Variants in ABLIM1 observed in about 807,000 individuals in gnomAD.
The protein encoded by ABLIM1 is actin-binding LIM protein 1.
In ABLIM1, 40 loss-of-function variants were observed where a neutral mutation model predicts 107.0. The observed-to-expected ratio is 0.37, with a 90% CI of 0.29 to 0.49. The LOEUF (loss-of-function observed/expected upper bound fraction) is 0.49. Among genes scored for constraint, ABLIM1 ranks in the 20% least tolerant of loss-of-function variants. The probability of loss-of-function intolerance (pLI) is 0.97; values close to 1 mark genes in which losing one functional copy is unlikely to be tolerated. For missense variants in ABLIM1, 857 were observed against 1,008.5 expected (o/e 0.85, Z 2.04); for synonymous variants, 357 against 357.3 (o/e 1.00, Z 0.01).
At chr10:114,490,974 A>ATGTGTGTGTGTG (rs140256636) in intron 7 of ABLIM1, among the ~76,000 whole-genome samples, 171 of 99,076 alleles carry the variant, frequency 1.7e-3, no homozygotes, top group South Asian at 4.1e-3. Flanking sequence ...CGGCATATAT[A>ATGTGTGTGTGTG]TGTGTGTGTG....
At chr10:114,799,509 C>T in the ABLIM1 span, among the ~76,000 whole-genome samples, 2 of 152,154 alleles carry the variant, frequency 1.3e-5, no homozygotes, top group African/African-American at 4.8e-5. Flanking sequence ...CACTCCTTAC[C>T]AGTATTTTCC....
At position 114,431,676 on chromosome 10, in the gene ABLIM1, T is replaced by C. The variant is rs2058872670; in HGVS notation, c.*4584A>G. The C allele has an allele frequency of 1.3e-5, 2 of 152,214 alleles. No homozygotes were observed. Among genetic ancestry groups the C allele is most frequent in the Non-Finnish European group, 2.9e-5 (2 of 68,052 alleles). 9.4% of individuals were successfully genotyped at this position (152,214 alleles called of 1,614,324 possible). ...ATTGTCTCTGTCCACCTTTGGTCAA[T>C]GGGTTCAGGAAGTGACTCATGGGAA... On this transcript the variant is annotated 3_prime_UTR_variant, in exon 23 of 23. Transcript: ENST00000533213.
intron 3 of ABLIM1, among the ~76,000 whole-genome samples, chr10:114,574,121 C>G (rs752465948): frequency 1.3e-5 from 2 of 152,176 alleles, no homozygotes; most frequent in Admixed American, 1.3e-4. Flanking sequence ...ATCTTCCCTT[C>G]TAGAGCTTAC....
At chr10:114,438,964 T>G (rs2139054333) in intron 21 of ABLIM1, among the ~76,000 whole-genome samples, 1 of 152,344 alleles carries the variant, frequency 6.6e-6, no homozygotes, top group Admixed American at 6.5e-5. Flanking sequence ...GACTGGCACC[T>G]CACTGTAAAC....
At chr10:114,776,199 T>C in the ABLIM1 span, 2 of 152,144 alleles carry the variant, frequency 1.3e-5, no homozygotes, top group Non-Finnish European at 2.9e-5. Flanking sequence ...TTCTTTTTTT[T>C]TTTTTCAGCA....
At chr10:114,772,487 G>T (rs1025677360), upstream of ABLIM1, among the ~76,000 whole-genome samples, 1 of 151,926 alleles carries the variant, frequency 6.6e-6, no homozygotes, top group Non-Finnish European at 1.5e-5. Flanking sequence ...TGTGCCTGTA[G>T]TCCCAGCTAT....
intron 6 of ABLIM1, among the ~76,000 whole-genome samples, chr10:114,495,767 C>T (rs2497679): frequency 0.15 from 22,879 of 152,044 alleles, 2,317 homozygotes; most frequent in East Asian, 0.49. Flanking sequence ...GTATTATTAT[C>T]CTTATTTTAA....
At chr10:114,784,837 C>T in the ABLIM1 span, among the ~76,000 whole-genome samples, 17 of 151,916 alleles carry the variant, frequency 1.1e-4, no homozygotes, top group Admixed American at 1.1e-3. Context: ...GATTCCAAAA[C>T]ATATGCCTTA....
At chr10:114,440,045 G>A (rs1263667376) in intron 20 of ABLIM1, 37 bp downstream of exon 20, 7 of 1,613,644 alleles carry the variant, frequency 4.3e-6, no homozygotes, top group African/African-American at 2.7e-5. Flanking sequence ...CTGTTCTATC[G>A]GTGTGGCCAA....
At chr10:114,563,159 G>A (rs1318595448) in intron 4 of ABLIM1, among the ~76,000 whole-genome samples, 4 of 152,246 alleles carry the variant, frequency 2.6e-5, no homozygotes, top group Non-Finnish European at 4.4e-5. Flanking sequence ...CACTTAGAGC[G>A]ATATTCAGAA....
At chr10:114,475,623 T>C (rs1269175863) in intron 8 of ABLIM1, among the ~76,000 whole-genome samples, 1 of 152,216 alleles carries the variant, frequency 6.6e-6, no homozygotes, top group Non-Finnish European at 1.5e-5. Context: ...TTATGTTAAT[T>C]ACACGATTTG....
intron 1 of ABLIM1, among the ~76,000 whole-genome samples, chr10:114,748,363 C>A (rs2082429918): frequency 6.6e-6 from 1 of 151,800 alleles, no homozygotes; most frequent in Admixed American, 6.6e-5. Flanking sequence ...CAAAAGTGAC[C>A]CAGAAGGAAG....
chr10:114,571,506 G>T, intron 3 of ABLIM1, 100 bp from the exon 4 acceptor site: 1 of 1,166,348 alleles, frequency 8.6e-7, no homozygotes, highest in Non-Finnish European at 1.3e-6. Context: ...TTTATTTCTT[G>T]GAGAAGCAGC....
At chr10:114,620,324 A>C (rs2077388853) in intron 1 of ABLIM1, among the ~76,000 whole-genome samples, 1 of 152,222 alleles carries the variant, frequency 6.6e-6, no homozygotes, top group Non-Finnish European at 1.5e-5. Flanking sequence ...TGGGGTAGGC[A>C]TGGTGGACAG....
chr10:114,504,708 G>C (rs913000643), intron 6 of ABLIM1, among the ~76,000 whole-genome samples: 2 of 152,118 alleles, frequency 1.3e-5, no homozygotes, highest in Non-Finnish European at 2.9e-5. Context: ...AAAAGGGGGA[G>C]GTCTGATCAA....
At chr10:114,689,300 C>T (rs1412558860), upstream of ABLIM1, among the ~76,000 whole-genome samples, 3 of 151,886 alleles carry the variant, frequency 2.0e-5, no homozygotes, top group Non-Finnish European at 4.4e-5. Context: ...AATACCCATC[C>T]TATCTACCTT....
intron 1 of ABLIM1, among the ~76,000 whole-genome samples, chr10:114,638,534 G>C (rs1044904882): frequency 6.6e-6 from 1 of 152,034 alleles, no homozygotes; most frequent in Non-Finnish European, 1.5e-5. Context: ...AGGTTGGTGA[G>C]AGGCCAAAGC....
chr10:114,768,150 C>G (rs2142767339), upstream of ABLIM1: 1 of 320,498 alleles, frequency 3.1e-6, no homozygotes, highest in Non-Finnish European at 6.4e-6. Context: ...AGCCCCGGAG[C>G]GCCCGCCCGG....
At chr10:114,635,572 T>A (rs2078436529) in intron 1 of ABLIM1, among the ~76,000 whole-genome samples, 1 of 152,238 alleles carries the variant, frequency 6.6e-6, no homozygotes, top group South Asian at 2.1e-4. Flanking sequence ...TCACCCAGGC[T>A]GGAGTGCAGT....
Sources: gnomAD v4.1 joint callset for allele counts (sites outside exome capture counted in the v4.1 genomes callset) on GRCh38, gnomAD v4.1.1 for gene constraint, MANE v1.5 for transcripts, NCBI Gene and HGNC (gene_info 2026-07-23, HGNC 2026-07-21) for gene names.